KAZN: variants seen among roughly 807,000 people sequenced by gnomAD.
The protein encoded by KAZN is kazrin, periplakin interacting protein, also known as kazrin.
A neutral mutation model predicts 87.4 loss-of-function variants in KAZN; 40 were observed. That is an observed-to-expected ratio of 0.46 (90% CI 0.36 to 0.60). KAZN has a LOEUF of 0.60. Ranked by LOEUF, KAZN falls within the 20% of genes least tolerant of loss-of-function variation. The pLI, the probability that KAZN is intolerant of heterozygous loss-of-function variation, is 0.00. For missense variants in KAZN, 898 were observed against 1,073.9 expected, an observed-to-expected ratio of 0.84 and a Z score of 2.29; for synonymous variants, 466 against 458.3, an observed-to-expected ratio of 1.02 and a Z score of -0.22.
intron 2 of KAZN, among the ~76,000 whole-genome samples, chr1:14,986,767 T>C (rs772839793): frequency 6.6e-6 from 1 of 152,176 alleles, no homozygotes; most frequent in Non-Finnish European, 1.5e-5. Flanking sequence ...GGGACTCTGT[T>C]GGAGCTCTGA....
At chr1:14,590,200 G>T (rs1412213417) in intron 2 of KAZN, among the ~76,000 whole-genome samples, 3 of 152,094 alleles carry the variant, frequency 2.0e-5, no homozygotes, top group Non-Finnish European at 4.4e-5. Flanking sequence ...CCCATTTAGG[G>T]TAGGTGTGTT....
At chr1:14,837,091 A>G (rs1044843944) in intron 1 of KAZN, among the ~76,000 whole-genome samples, 1 of 152,192 alleles carries the variant, frequency 6.6e-6, no homozygotes, top group South Asian at 2.1e-4. Flanking sequence ...AAATCTCTAG[A>G]TAATTATTTA....
chr1:14,153,916 ATAATT>A (rs1169446098), intron 1 of KAZN, among the ~76,000 whole-genome samples: 4 of 152,032 alleles, frequency 2.6e-5, no homozygotes, highest in Non-Finnish European at 5.9e-5. Flanking sequence ...GGTCTGTAGT[ATAATT>A]TAAAGTCAGG....
chr1:14,548,598 T>C (rs1417970164), intron 2 of KAZN, among the ~76,000 whole-genome samples: 8 of 152,226 alleles, frequency 5.3e-5, no homozygotes. Flanking sequence ...AATAATATTG[T>C]ATGTTTCCTT....
At chr1:14,458,562 G>T (rs1667690984) in intron 2 of KAZN, among the ~76,000 whole-genome samples, 1 of 152,196 alleles carries the variant, frequency 6.6e-6, no homozygotes, top group African/African-American at 2.4e-5. Context: ...GATGGTCTGA[G>T]TAGCCCCTTT....
chr1:14,719,854 A>G (rs1643002530), intron 1 of KAZN, among the ~76,000 whole-genome samples: 1 of 152,150 alleles, frequency 6.6e-6, no homozygotes, highest in African/African-American at 2.4e-5. Flanking sequence ...ACATAATGAG[A>G]AAAAAGGGAG....
chr1:14,983,210 C>A (rs142242494), intron 2 of KAZN, among the ~76,000 whole-genome samples: 1,944 of 152,206 alleles, frequency 0.013, 23 homozygotes, highest in South Asian at 0.024. Context: ...TTGTTCACAC[C>A]AAGGTTCATG....
intron 2 of KAZN, among the ~76,000 whole-genome samples, chr1:14,387,598 T>TG (rs1662041714): frequency 6.6e-6 from 1 of 151,882 alleles, no homozygotes; most frequent in Admixed American, 6.5e-5. Context: ...TGCCCCTGCT[T>TG]GGGGGGTGCC....
chr1:14,190,281 T>G (rs1646396782), intron 2 of KAZN, among the ~76,000 whole-genome samples: 1 of 152,100 alleles, frequency 6.6e-6, no homozygotes, highest in Non-Finnish European at 1.5e-5. Context: ...AGTGAAAGAT[T>G]ATTGAGTACT....
intron 2 of KAZN, among the ~76,000 whole-genome samples, chr1:14,370,478 G>A (rs1433626677): frequency 2.0e-5 from 3 of 152,216 alleles, no homozygotes; most frequent in African/African-American, 7.2e-5. Context: ...GGAAGACCAA[G>A]AGGGTGGTTT....
chr1:13,896,384 G>T (rs1004568926), intron 1 of KAZN, among the ~76,000 whole-genome samples: 1 of 152,180 alleles, frequency 6.6e-6, no homozygotes, highest in Non-Finnish European at 1.5e-5. Context: ...TGACCTCCTA[G>T]GCTCAAGCGA....
At chr1:14,957,270 G>A (rs996277818) in intron 1 of KAZN, among the ~76,000 whole-genome samples, 18 of 152,206 alleles carry the variant, frequency 1.2e-4, no homozygotes, top group African/African-American at 2.4e-4. Context: ...TCCTTTGACC[G>A]TGGGGTCCAG....
intron 1 of KAZN, among the ~76,000 whole-genome samples, chr1:14,941,060 C>T (rs1481003185): frequency 7.2e-5 from 11 of 151,904 alleles, no homozygotes; most frequent in East Asian, 1.9e-4. Flanking sequence ...GGACTACAGG[C>T]GAGCGCCGCC....
chr1:14,000,680 T>A (rs1285392123), intron 1 of KAZN, among the ~76,000 whole-genome samples: 2 of 152,154 alleles, frequency 1.3e-5, no homozygotes, highest in Non-Finnish European at 2.9e-5. Context: ...CTATTCAACA[T>A]AGTATTGGAA....
At position 14,383,399 on chromosome 1, in the gene KAZN, A is replaced by G. The variant is rs566930587; in HGVS notation, c.249+202807A>G. 3.3e-5 allele frequency among the ~76,000 whole-genome samples: 5 copies of G among 152,162 alleles called. No individual in the cohort carries two copies. The South Asian group carries it at 1.0e-3, about 32-fold the overall frequency. ...ATATGAAGTCCTTGCCCATGCCTAC[A>G]TCCTGAATGGTAAAGCCTAGGTTTT... On this transcript the variant is annotated intron_variant, in intron 2 of 16. Transcript: ENST00000636203.
intron 2 of KAZN, among the ~76,000 whole-genome samples, chr1:14,188,581 G>A (rs1646361097): frequency 1.3e-5 from 2 of 152,008 alleles, no homozygotes; most frequent in Admixed American, 1.3e-4. Flanking sequence ...ATGGATGAAG[G>A]GGAAATGAGG....
chr1:14,210,991 T>A lies in KAZN; in HGVS notation c.249+30399T>A, dbSNP rs185748083. ...AAAGACAATTAATCTCTTAAAATTA[T>A]AGATTATTATAATTATTATAAAAAT... On this transcript the variant is annotated intron_variant, in intron 2 of 16. Coordinates refer to the KAZN transcript ENST00000636203. 3.2e-3 allele frequency among the ~76,000 whole-genome samples: 488 copies of A among 152,160 alleles called. 2 individuals are homozygous for A. The highest frequency in any genetic ancestry group is 0.011 in the African/African-American group (469 of 41,552).
chr1:14,645,115 G>A (rs1190119206), intron 1 of KAZN, among the ~76,000 whole-genome samples: 1 of 152,168 alleles, frequency 6.6e-6, no homozygotes, highest in East Asian at 1.9e-4. Context: ...GGTCTTGGGT[G>A]TGCAGCCTTA....
intron 1 of KAZN, among the ~76,000 whole-genome samples, chr1:14,667,162 T>C (rs919559447): frequency 6.6e-6 from 1 of 152,200 alleles, no homozygotes; most frequent in Non-Finnish European, 1.5e-5. Flanking sequence ...GTGGACACCA[T>C]TGAACACACT....
Sources: gnomAD v4.1 joint callset for allele counts (sites outside exome capture counted in the v4.1 genomes callset) on GRCh38, gnomAD v4.1.1 for gene constraint, MANE v1.5 for transcripts, NCBI Gene and HGNC (gene_info 2026-07-23, HGNC 2026-07-21) for gene names.